The following IQCH variants were observed in gnomAD, a reference collection of about 807,000 sequenced individuals.
The protein encoded by IQCH is IQ domain-containing protein H.
Under a neutral mutation model 117.0 loss-of-function variants are expected in IQCH, and 98 were observed. The observed-to-expected ratio is 0.84, with a 90% CI of 0.71 to 0.99. IQCH has a LOEUF of 0.99. Among genes scored for constraint, IQCH ranks in the 50% least tolerant of loss-of-function variants. The probability of loss-of-function intolerance (pLI) is 0.00; values close to 1 mark genes in which losing one functional copy is unlikely to be tolerated. For synonymous variants in IQCH, 412 were observed against 448.2 expected, an observed-to-expected ratio of 0.92 and a Z score of 1.02; for missense variants, 1,102 against 1,243.8, an observed-to-expected ratio of 0.89 and a Z score of 1.72.
chr15:67,421,916 T>TG (rs2081755252), intron 16 of IQCH, among the ~76,000 whole-genome samples: 1 of 152,140 alleles, frequency 6.6e-6, no homozygotes, highest in Non-Finnish European at 1.5e-5. Flanking sequence ...GTAGGCAACA[T>TG]GGAGAAACCC....
At chr15:67,349,606 CAA>C (rs35892110) in intron 6 of IQCH, among the ~76,000 whole-genome samples, 38 of 119,112 alleles carry the variant, frequency 3.2e-4, no homozygotes, top group African/African-American at 1.1e-3. Context: ...GACTCCATCT[CAA>C]AAAAAAAAAA....
chr15:67,265,234 C>G (rs1376879016), intron 3 of IQCH, among the ~76,000 whole-genome samples: 1 of 152,196 alleles, frequency 6.6e-6, no homozygotes, highest in African/African-American at 2.4e-5. Flanking sequence ...GAGAACAAAA[C>G]AGAAAGTATC....
chr15:67,320,166 G>C (rs368352819), intron 4 of IQCH, among the ~76,000 whole-genome samples: 1 of 152,352 alleles, frequency 6.6e-6, no homozygotes, highest in East Asian at 1.9e-4. Context: ...TAAATAAAAA[G>C]AGCCCCAGCA....
At position 67,416,932 on chromosome 15, in the gene IQCH, A is replaced by G; in HGVS notation, c.2099A>G (p.Glu700Gly). 6.3e-7 allele frequency: 1 copy of G among 1,589,536 alleles called. No individual in the cohort carries two copies. The highest frequency in any genetic ancestry group is 8.6e-7 in the Non-Finnish European group (1 of 1,168,952). The change falls in exon 15 of 21, where the codon GAG (glutamate) becomes GGG (glycine). Residue 700 changes from glutamate (E) to glycine (G), a missense_variant and splice_region_variant. Physicochemically the swap from Glu to Gly is moderately conservative, Grantham distance 98 (BLOSUM62 -2). Around this residue, in one of 2 missense-constraint regions of IQCH, gnomAD observed 650 missense variants for 794.3 expected, o/e 0.82. Transcript: ENST00000335894. The surrounding 1 kb of genome is among the most constrained non-coding windows in gnomAD (Gnocchi z 5.1). ...GTTCTATTTAATTTGTTTCTGCAGG[A>G]GCCAGCTTTGGTGAAGATCTCTGAG... is the stretch of plus-strand genomic sequence containing the variant. ...LEDWRKKWAQ[E>G]PALVKISEEL...
At chr15:67,498,007 A>T (rs1252513926) in intron 20 of IQCH, among the ~76,000 whole-genome samples, 1 of 152,224 alleles carries the variant, frequency 6.6e-6, no homozygotes, top group Non-Finnish European at 1.5e-5. Flanking sequence ...TGACAAGATG[A>T]TCCTAAAATT....
chr15:67,330,066 CCGG>C (rs1430881697), intron 4 of IQCH, among the ~76,000 whole-genome samples: 1 of 142,330 alleles, frequency 7.0e-6, no homozygotes, highest in Non-Finnish European at 1.6e-5. Context: ...CTTGTGATCT[CCGG>C]TGGCTACTCG....
rs1019142810 is a variant in IQCH at position 67,407,744 on chromosome 15, A to G, written c.2097+7439A>G. 2 of 152,234 alleles carry G rather than the reference A, an allele frequency of 1.3e-5. No homozygotes were observed. The highest frequency in any genetic ancestry group is 4.8e-5 in the African/African-American group (2 of 41,454). The allele number at this position is 152,234 out of a possible 1,614,324, so 9.4% of individuals were successfully genotyped here. On this transcript the variant is annotated intron_variant, in intron 14 of 20. Transcript: ENST00000335894. This position sits in a 1 kb window ranked among gnomAD's most constrained non-coding sequence, Gnocchi z 5.3. Reference sequence around the variant, plus strand: ...ATAGGAAGCTTTGTGTAAACTAATTACTAGGTAATCATTGTCTACTGCAAG... The same window carrying G: ...ATAGGAAGCTTTGTGTAAACTAATTGCTAGGTAATCATTGTCTACTGCAAG...
chr15:67,315,528 A>G (rs1967805164), intron 4 of IQCH, among the ~76,000 whole-genome samples: 1 of 152,146 alleles, frequency 6.6e-6, no homozygotes, highest in East Asian at 1.9e-4. Context: ...AATGAGTGAT[A>G]TTATCTCCAT....
intron 16 of IQCH, among the ~76,000 whole-genome samples, chr15:67,464,860 G>C (rs1211225340): frequency 6.6e-6 from 1 of 152,226 alleles, no homozygotes; most frequent in Non-Finnish European, 1.5e-5. Flanking sequence ...GTCAACATGA[G>C]CTTTGCAAGA....
chr15:67,278,624 G>C (rs1430735392), intron 3 of IQCH, among the ~76,000 whole-genome samples: 1 of 152,148 alleles, frequency 6.6e-6, no homozygotes, highest in African/African-American at 2.4e-5. Context: ...CTTGTTGTGA[G>C]AATAGGAATG....
At position 67,369,122 on chromosome 15, in the gene IQCH, T is replaced by C. The variant is rs556626688; in HGVS notation, c.754-2989T>C. 2.2e-4 allele frequency among the ~76,000 whole-genome samples: 34 copies of C among 152,326 alleles called. No homozygotes were observed. The highest frequency in any genetic ancestry group is 7.2e-4 in the African/African-American group (30 of 41,566). ...TTAACATCTGTGACTTACTAACATA[T>C]GTAATCATCATCCTGCTTTCCTGTT... is the stretch of plus-strand genomic sequence containing the variant. On this transcript the variant is annotated intron_variant, in intron 8 of 20. Transcript: ENST00000335894. The surrounding 1 kb of genome is among the most constrained non-coding windows in gnomAD (Gnocchi z 5.2).
At position 67,459,464 on chromosome 15, in the gene IQCH, G is replaced by A. The variant is rs992488596; in HGVS notation, c.2506-5663G>A. Among the ~76,000 whole-genome samples, 2 of 152,092 alleles carry A rather than the reference G, an allele frequency of 1.3e-5. No individual in the cohort carries two copies. The highest frequency in any genetic ancestry group is 1.9e-4 in the East Asian group (1 of 5,188). ...GCGTGCTCTGCCACCCATTCATCCCGCCTGTCACCAGAAAGAGGCAGAAGC... is the reference window on the plus strand; with the variant it reads ...GCGTGCTCTGCCACCCATTCATCCCACCTGTCACCAGAAAGAGGCAGAAGC... On this transcript the variant is annotated intron_variant, in intron 16 of 20. Coordinates refer to ENST00000335894, the MANE Select transcript of IQCH (RefSeq NM_001031715.3). This position sits in a 1 kb window ranked among gnomAD's most constrained non-coding sequence, Gnocchi z 4.2.
At chr15:67,434,751 A>G (rs1374711839) in intron 16 of IQCH, among the ~76,000 whole-genome samples, 1 of 146,826 alleles carries the variant, frequency 6.8e-6, no homozygotes, top group Non-Finnish European at 1.5e-5. Flanking sequence ...CCACATTCTC[A>G]CCAATACTTA....
At chr15:67,396,795 C>A (rs1971485193) in intron 13 of IQCH, among the ~76,000 whole-genome samples, 1 of 152,114 alleles carries the variant, frequency 6.6e-6, no homozygotes, top group Admixed American at 6.5e-5. Flanking sequence ...CCACTGAGCT[C>A]AAAAATCTAG....
Position 67,457,324 on chromosome 15 carries a change from G to C in IQCH, c.2506-7803G>C, listed in dbSNP as rs533870163. 2.4e-4 allele frequency among the ~76,000 whole-genome samples: 36 copies of C among 152,324 alleles called. No individual in the cohort carries two copies. Among genetic ancestry groups the C allele is most frequent in the African/African-American group, 5.8e-4 (24 of 41,576 alleles). ...GGTGTGTTGTTTACCACAATGGAGA[G>C]CTCCATGCTGTCTGGAGATTCAGTG... On this transcript the variant is annotated intron_variant, in intron 16 of 20. Transcript: ENST00000335894. The surrounding 1 kb of genome is among the most constrained non-coding windows in gnomAD (Gnocchi z 5.7).
At position 67,388,784 on chromosome 15, in the gene IQCH, T is replaced by G. The variant is rs1378282302; in HGVS notation, c.1457-47T>G. On this transcript the variant is annotated intron_variant, in intron 11 of 20. Coordinates refer to ENST00000335894, the MANE Select transcript of IQCH (RefSeq NM_001031715.3). This position sits in a 1 kb window ranked among gnomAD's most constrained non-coding sequence, Gnocchi z 5.5. ...CAATCGGATGCCAGAGTTCATAATG[T>G]CATTTACCTTCACACCAGTAATTAA... The G allele has an allele frequency of 6.7e-7, 1 of 1,498,530 alleles. No homozygotes were observed. The highest frequency in any genetic ancestry group is 9.3e-7 in the Non-Finnish European group (1 of 1,079,594). The allele number at this position is 1,498,530 out of a possible 1,614,324, so 92.8% of individuals were successfully genotyped here.
intron 4 of IQCH, among the ~76,000 whole-genome samples, chr15:67,320,690 A>G (rs972401865): frequency 4.6e-5 from 7 of 152,216 alleles, no homozygotes; most frequent in Non-Finnish European, 1.0e-4. Context: ...TTTTATTAAT[A>G]GCTTTACAGA....
In IQCH at chr15:67,370,531, C is replaced by T. The variant is rs146152609; in HGVS notation, c.754-1580C>T. Among the ~76,000 whole-genome samples, 12 of 152,316 alleles carry T rather than the reference C, an allele frequency of 7.9e-5. No homozygotes were observed. In the East Asian group the frequency reaches 2.1e-3, roughly 27 times the overall value. On this transcript the variant is annotated intron_variant, in intron 8 of 20. Coordinates refer to ENST00000335894, the MANE Select transcript of IQCH (RefSeq NM_001031715.3). The surrounding 1 kb of genome is among the most constrained non-coding windows in gnomAD (Gnocchi z 5.6). ...TGGAACATGTGCCACTTGTCTTCTA[C>T]CAGGAGTGGCAGCCTCTCCTGCCAG...
intron 15 of IQCH, among the ~76,000 whole-genome samples, chr15:67,418,146 A>G (rs2081622807): frequency 6.6e-6 from 1 of 152,176 alleles, no homozygotes; most frequent in African/African-American, 2.4e-5. Context: ...AGAAGAGCCC[A>G]TGAAAAGCTA....
Sources: allele counts gnomAD v4.1 joint callset (sites outside exome capture counted in the v4.1 genomes callset), GRCh38; gene constraint gnomAD v4.1.1; regional missense constraint gnomAD v4.1.1; non-coding constraint Gnocchi (gnomAD v3.1); transcripts MANE v1.5; gene names NCBI Gene and HGNC (gene_info 2026-07-23, HGNC 2026-07-21).